MICU1: variants seen among roughly 807,000 people sequenced by gnomAD.
MICU1 encodes the protein mitochondrial calcium uptake 1.
A neutral mutation model predicts 56.8 loss-of-function variants in MICU1; 45 were observed. That is an observed-to-expected ratio of 0.79 (90% CI 0.62 to 1.02). The LOEUF is 1.02. Among genes scored for constraint, MICU1 ranks in the 50% least tolerant of loss-of-function variants. MICU1 has a pLI of 0.00. For synonymous variants in MICU1, 186 were observed against 195.1 expected, an observed-to-expected ratio of 0.95 and a Z score of 0.39; for missense variants, 504 against 587.1, an observed-to-expected ratio of 0.86 and a Z score of 1.46.
chr10:72,603,259 C>A (rs1033885612), intron 1 of MICU1, among the ~76,000 whole-genome samples: 1 of 150,684 alleles, frequency 6.6e-6, no homozygotes, highest in African/African-American at 2.4e-5. Flanking sequence ...TGGTGTTGCA[C>A]ACCTGTAATC....
chr10:72,566,935 C>G, intron 1 of MICU1, 141 bp from the exon 2 acceptor site: 1 of 655,076 alleles, frequency 1.5e-6, no homozygotes, highest in Non-Finnish European at 2.5e-6. Flanking sequence ...CTTATATTAT[C>G]CCATTTAATC....
At chr10:72,378,993 G>GT (rs1220533094) in intron 10 of MICU1, among the ~76,000 whole-genome samples, 3 of 152,180 alleles carry the variant, frequency 2.0e-5, no homozygotes, top group African/African-American at 7.2e-5. Flanking sequence ...AAAGACTGAA[G>GT]TATAAGATAT....
At chr10:72,400,378 G>A (rs1863411991) in intron 10 of MICU1, among the ~76,000 whole-genome samples, 3 of 152,008 alleles carry the variant, frequency 2.0e-5, no homozygotes, top group Admixed American at 6.6e-5. Flanking sequence ...ATGAACTTTC[G>A]TTGTCTTTAG....
chr10:72,410,898 G>T (rs779341500), intron 9 of MICU1, among the ~76,000 whole-genome samples: 9 of 152,174 alleles, frequency 5.9e-5, no homozygotes, highest in African/African-American at 1.2e-4. Context: ...ATTGCTTGTG[G>T]ATGGACACAC....
chr10:72,448,724 C>T (rs1865200451), intron 8 of MICU1, among the ~76,000 whole-genome samples: 1 of 151,838 alleles, frequency 6.6e-6, no homozygotes, highest in South Asian at 2.1e-4. Flanking sequence ...TAATGGGCCA[C>T]ACTGTATCAC....
At chr10:72,609,152 G>T (rs1443765593) in intron 1 of MICU1, among the ~76,000 whole-genome samples, 2 of 152,126 alleles carry the variant, frequency 1.3e-5, no homozygotes, top group African/African-American at 4.8e-5. Flanking sequence ...CTTATATGAG[G>T]TACCTAAAAT....
At chr10:72,524,634 G>C (rs1167734883) in intron 5 of MICU1, 5 of 735,856 alleles carry the variant, frequency 6.8e-6, no homozygotes, top group African/African-American at 1.8e-5. Context: ...AAGGGAGCAG[G>C]GCAAGGACAT....
intron 6 of MICU1, among the ~76,000 whole-genome samples, chr10:72,503,405 T>C (rs983719302): frequency 2.6e-5 from 4 of 152,262 alleles, no homozygotes; most frequent in African/African-American, 7.2e-5. Context: ...CATTTAGCAA[T>C]ATCTGGAGAC....
chr10:72,555,002 G>A (rs575985235), intron 3 of MICU1, among the ~76,000 whole-genome samples: 1 of 152,142 alleles, frequency 6.6e-6, no homozygotes, highest in Middle Eastern at 3.2e-3. Flanking sequence ...GTGATAGAGA[G>A]AGACTCTATC....
At chr10:72,388,528 G>A (rs561805020) in intron 10 of MICU1, among the ~76,000 whole-genome samples, 1 of 152,318 alleles carries the variant, frequency 6.6e-6, no homozygotes, top group East Asian at 1.9e-4. Context: ...GACTATGGAT[G>A]TCTGTGTCTG....
chr10:72,573,307 CAAAAAAAAAAAAA>C (rs58866778), intron 1 of MICU1, among the ~76,000 whole-genome samples: 4 of 21,038 alleles, frequency 1.9e-4, no homozygotes, highest in East Asian at 1.3e-3. Context: ...CCCATCACTA[CAAAAAAAAAAAAA>C]AAAAAAAAAA....
intron 1 of MICU1, among the ~76,000 whole-genome samples, chr10:72,600,648 C>CAAAAAAAA (rs71021514): frequency 2.8e-5 from 3 of 105,582 alleles, no homozygotes; most frequent in African/African-American, 7.1e-5. Context: ...GACTCCGTCT[C>CAAAAAAAA]AAAAAAAAAA....
At chr10:72,605,421 T>C (rs1488655903) in intron 1 of MICU1, among the ~76,000 whole-genome samples, 1 of 152,212 alleles carries the variant, frequency 6.6e-6, no homozygotes, top group East Asian at 1.9e-4. Flanking sequence ...CAGCAGCCCA[T>C]GAGGGCTGCT....
At chr10:72,498,898 T>C (rs796193763) in intron 6 of MICU1, among the ~76,000 whole-genome samples, 1 of 152,208 alleles carries the variant, frequency 6.6e-6, no homozygotes, top group Non-Finnish European at 1.5e-5. Context: ...TTTTAGAGCA[T>C]AGCCCCATCT....
Position 72,562,966 on chromosome 10 carries a change from T to C in MICU1, c.259A>G (p.Lys87Glu). Residue 87 changes from lysine to glutamate, a missense_variant, in exon 3 of 12, where the codon AAA becomes GAA. Lys to Glu is a moderately conservative substitution (Grantham distance 56, BLOSUM62 1). Transcript: ENST00000361114. ...KDEGDVCNHEKKTADLAPHPE... is the reference protein window; with the variant it reads ...KDEGDVCNHEEKTADLAPHPE... ...TGAGGGGCAAGATCTGCAGTCTTTTTCTCATGGTTACAAACATCCCCTTCA... is the reference window on the plus strand; with the variant it reads ...TGAGGGGCAAGATCTGCAGTCTTTTCCTCATGGTTACAAACATCCCCTTCA... The C allele has an allele frequency of 6.2e-7, 1 of 1,610,196 alleles. No homozygotes were observed. Among genetic ancestry groups the C allele is most frequent in the Non-Finnish European group, 8.5e-7 (1 of 1,178,246 alleles).
Position 72,584,527 on chromosome 10 carries a change from G to A in MICU1, c.-1-17733C>T, listed in dbSNP as rs994801991. Among the ~76,000 whole-genome samples, 49 of 151,686 alleles carry A rather than the reference G, an allele frequency of 3.2e-4. 1 individual carries two copies. The highest frequency in any genetic ancestry group is 4.0e-4 in the Admixed American group (6 of 15,188). On this transcript the variant is annotated intron_variant, in intron 1 of 11. Transcript: ENST00000361114. ...TTGATTTTCAAGTCTCGGAAATTAAGTAGCTATAGAGCTTTAATAGTTAAT... is the reference window on the plus strand; with the variant it reads ...TTGATTTTCAAGTCTCGGAAATTAAATAGCTATAGAGCTTTAATAGTTAAT...
At chr10:72,410,827 T>C (rs979452930) in intron 9 of MICU1, among the ~76,000 whole-genome samples, 2 of 152,292 alleles carry the variant, frequency 1.3e-5, no homozygotes, top group African/African-American at 2.4e-5. Context: ...ATGTAGGCAC[T>C]AGCTAGAATC....
intron 6 of MICU1, among the ~76,000 whole-genome samples, chr10:72,507,091 T>C (rs1324468453): frequency 6.6e-6 from 1 of 152,078 alleles, no homozygotes; most frequent in Non-Finnish European, 1.5e-5. Flanking sequence ...TCTAGTAGCT[T>C]TATGTTTACA....
At chr10:72,380,422 T>C (rs576242419) in intron 10 of MICU1, among the ~76,000 whole-genome samples, 1 of 152,320 alleles carries the variant, frequency 6.6e-6, no homozygotes, top group African/African-American at 2.4e-5. Flanking sequence ...TCTGGCTTTT[T>C]GCAAAGTCCA....
Sources: gnomAD v4.1 joint callset for allele counts (sites outside exome capture counted in the v4.1 genomes callset) on GRCh38, gnomAD v4.1.1 for gene constraint, MANE v1.5 for transcripts, NCBI Gene and HGNC (gene_info 2026-07-23, HGNC 2026-07-21) for gene names.